Variants in GSE1 observed in about 807,000 individuals in gnomAD.
GSE1 encodes genetic suppressor element 1.
A neutral mutation model predicts 112.6 loss-of-function variants in GSE1; 32 were observed. The ratio of observed to expected loss-of-function variants is 0.28; its 90% CI spans 0.21 to 0.38. GSE1 has a LOEUF of 0.38. GSE1 is among the 10% of genes least tolerant of loss of function. The pLI, the probability that GSE1 is intolerant of heterozygous loss-of-function variation, is 1.00. For synonymous variants in GSE1, 1,115 were observed against 735.6 expected (o/e 1.52, Z -8.35); for missense variants, 2,348 against 1,699.2 (o/e 1.38, Z -6.71).
At chr16:85,499,536 G>T (rs1176220472) in intron 2 of GSE1, among the ~76,000 whole-genome samples, 1 of 151,874 alleles carries the variant, frequency 6.6e-6, no homozygotes, top group African/African-American at 2.4e-5. Flanking sequence ...TCGATCTCCT[G>T]GCCTTGTGAT....
At chr16:85,397,842 C>T (rs964753089) in intron 2 of GSE1, among the ~76,000 whole-genome samples, 1 of 152,194 alleles carries the variant, frequency 6.6e-6, no homozygotes, top group African/African-American at 2.4e-5. Context: ...CCCTGGGATC[C>T]TCCTCCTCCA....
intron 1 of GSE1, among the ~76,000 whole-genome samples, chr16:85,217,601 C>T (rs993676434): frequency 6.6e-6 from 1 of 152,172 alleles, no homozygotes; most frequent in Admixed American, 6.5e-5. Flanking sequence ...GATGCCCTTG[C>T]CTGGTTGTGA....
intron 1 of GSE1, among the ~76,000 whole-genome samples, chr16:85,241,411 T>C (rs139252733): frequency 2.0e-5 from 3 of 152,342 alleles, no homozygotes; most frequent in Non-Finnish European, 4.4e-5. Flanking sequence ...CAAGTGGGCA[T>C]TGCATGGCTT....
chr16:85,609,261 C>A (rs566854133), upstream of GSE1, among the ~76,000 whole-genome samples: 2 of 152,340 alleles, frequency 1.3e-5, no homozygotes, highest in African/African-American at 4.8e-5. Flanking sequence ...CAAAAAAAGA[C>A]AAGGTCTTGC....
intron 2 of GSE1, among the ~76,000 whole-genome samples, chr16:85,637,844 G>A (rs1295627457): frequency 6.6e-6 from 1 of 152,164 alleles, no homozygotes. Context: ...AAGCCCCAGC[G>A]GGCTAGCGGC....
At position 85,397,668 on chromosome 16, in the gene GSE1, T is replaced by A. The variant is rs150459342; in HGVS notation, c.2464+40025T>A. On this transcript the variant is annotated intron_variant, in intron 2 of 2. Transcript: ENST00000637419. ...GCACCAGGGTGCGGGAGGCACCACC[T>A]GCCATCTGGCCCCCTCTGGAGGACG... Among the ~76,000 whole-genome samples, 436 of 152,326 alleles carry A rather than the reference T, an allele frequency of 2.9e-3. 1 individual carries two copies. Among genetic ancestry groups the A allele is most frequent in the South Asian group, 9.5e-3 (46 of 4,832 alleles).
At chr16:85,472,853 G>A (rs2050337345) in intron 2 of GSE1, among the ~76,000 whole-genome samples, 1 of 152,252 alleles carries the variant, frequency 6.6e-6, no homozygotes, top group South Asian at 2.1e-4. Flanking sequence ...GAGCAGTGGT[G>A]GCAGGGGGCA....
At chr16:85,645,662 T>C (rs867995304) in intron 2 of GSE1, among the ~76,000 whole-genome samples, 3 of 152,344 alleles carry the variant, frequency 2.0e-5, no homozygotes, top group South Asian at 2.1e-4. Context: ...TTGGTGAATG[T>C]GCGCGTGCCC....
At chr16:85,431,288 G>A (rs1004272684) in intron 2 of GSE1, among the ~76,000 whole-genome samples, 7 of 152,216 alleles carry the variant, frequency 4.6e-5, no homozygotes, top group South Asian at 2.1e-4. Context: ...TCCAGGCCCT[G>A]TCCATACGGG....
At chr16:85,514,148 CCTCTTCCCCTGCT>C (rs1198538694) in intron 2 of GSE1, among the ~76,000 whole-genome samples, 1 of 150,316 alleles carries the variant, frequency 6.7e-6, no homozygotes, top group African/African-American at 2.5e-5. Flanking sequence ...CCCACCCAGC[CCTCTTCCCCTGCT>C]CTCTTTCTCC....
At chr16:85,170,195 G>A (rs1443705925) in exon 1 of GSE1, 1 of 985,210 alleles carries the variant, frequency 1.0e-6, no homozygotes, top group Non-Finnish European at 1.2e-6. Flanking sequence ...CCGGGACAGG[G>A]CGCAGAGGCC....
chr16:85,459,646 C>CAAGGGCTGGA (rs1490410550), intron 2 of GSE1, among the ~76,000 whole-genome samples: 1 of 152,168 alleles, frequency 6.6e-6, no homozygotes, highest in Non-Finnish European at 1.5e-5. Flanking sequence ...TAGTTCATGC[C>CAAGGGCTGGA]AAGGGCTGGA....
chr16:85,451,868 C>A (rs557523546), intron 2 of GSE1, among the ~76,000 whole-genome samples: 1 of 152,302 alleles, frequency 6.6e-6, no homozygotes, highest in Non-Finnish European at 1.5e-5. Flanking sequence ...ATGGTTTGCC[C>A]GGTGGAGACA....
intron 1 of GSE1, among the ~76,000 whole-genome samples, chr16:85,179,611 T>C (rs2143272651): frequency 6.6e-6 from 1 of 152,292 alleles, no homozygotes; most frequent in Middle Eastern, 3.4e-3. Flanking sequence ...GTGATAGGGC[T>C]TAGGTTTGGA....
chr16:85,436,213 T>C (rs2049243001), intron 2 of GSE1, among the ~76,000 whole-genome samples: 1 of 152,196 alleles, frequency 6.6e-6, no homozygotes, highest in South Asian at 2.1e-4. Context: ...TAAACTCCTC[T>C]CCTCTCCTTC....
intron 2 of GSE1, among the ~76,000 whole-genome samples, chr16:85,514,243 C>T (rs959892374): frequency 6.6e-5 from 10 of 151,782 alleles, no homozygotes; most frequent in African/African-American, 2.2e-4. Flanking sequence ...TCTCTCTTCC[C>T]CTCTCCCTCT....
chr16:85,501,292 G>A (rs1026204586), intron 2 of GSE1, among the ~76,000 whole-genome samples: 2 of 151,476 alleles, frequency 1.3e-5, no homozygotes, highest in African/African-American at 2.4e-5. Flanking sequence ...GTGAGCCACC[G>A]CACCCAGCCA....
chr16:85,578,319 A>G (rs2046315030), intron 1 of GSE1, among the ~76,000 whole-genome samples: 2 of 152,328 alleles, frequency 1.3e-5, no homozygotes, highest in Admixed American at 6.5e-5. Flanking sequence ...TAACGGTGGC[A>G]GCCTGTCCCG....
chr16:85,666,600 A>G (rs2052881918), intron 13 of GSE1: 16 of 533,044 alleles, frequency 3.0e-5, no homozygotes, highest in Middle Eastern at 5.0e-4. Context: ...GCAGGGACGC[A>G]TCGATCGGTA....
Sources: allele counts gnomAD v4.1 joint callset (sites outside exome capture counted in the v4.1 genomes callset), GRCh38; gene constraint gnomAD v4.1.1; transcripts MANE v1.5; gene names NCBI Gene and HGNC (gene_info 2026-07-23, HGNC 2026-07-21).